MEIOB: variants seen among roughly 807,000 people sequenced by gnomAD.
The protein encoded by MEIOB is meiosis-specific with OB domain-containing protein.
MEIOB carries 50 observed loss-of-function variants against 53.1 expected under a neutral mutation model. That is an observed-to-expected ratio of 0.94 (90% CI 0.75 to 1.19). The LOEUF is 1.19. MEIOB is among the 50% of genes most tolerant of loss of function. MEIOB has a pLI of 0.00. For synonymous variants in MEIOB, 192 were observed against 182.5 expected, an observed-to-expected ratio of 1.05 and a Z score of -0.42; for missense variants, 551 against 550.8, an observed-to-expected ratio of 1.00 and a Z score of 0.00.
rs1390408270 is a variant in MEIOB at position 1,862,002 on chromosome 16, A to T, written c.242T>A (p.Phe81Tyr). 1.3e-6 allele frequency: 2 copies of T among 1,551,132 alleles called. No homozygotes were observed. Among genetic ancestry groups the T allele is most frequent in the Non-Finnish European group, 8.7e-7 (1 of 1,146,738 alleles). Residue 81 changes from phenylalanine to tyrosine, a missense_variant, in exon 4 of 14, where the codon TTT (phenylalanine) becomes TAT (tyrosine). Phe to Tyr is a conservative substitution (Grantham distance 22). Coordinates refer to ENST00000325962, the MANE Select transcript of MEIOB (RefSeq NM_001163560.3). ...CAACTTACCACAGTCACCAACCCTA[A>T]AGCTGTCAGAAAGAGACTTGATGTA... ...EDYIKSLSDSFRVGDCVIIEN... is the reference protein window; with the variant it reads ...EDYIKSLSDSYRVGDCVIIEN...
chr16:1,847,239 A>G (rs1899049351), intron 9 of MEIOB, among the ~76,000 whole-genome samples: 1 of 151,378 alleles, frequency 6.6e-6, no homozygotes, highest in Non-Finnish European at 1.5e-5. Context: ...AGGCAGGTGG[A>G]TCACCTGAGG....
chr16:1,846,192 G>C (rs891064913), intron 9 of MEIOB, among the ~76,000 whole-genome samples: 15 of 152,176 alleles, frequency 9.9e-5, no homozygotes, highest in African/African-American at 3.6e-4. Context: ...TATTAACTTG[G>C]AGAGATATGC....
Position 1,839,309 on chromosome 16 carries a change from G to A in MEIOB, c.1164C>T (p.Thr388=), listed in dbSNP as rs201609657. ...VLIDLTDHTG[T]LHSCSLTGSV... is the part of the protein sequence containing the mutation. ...TTCCTGTGAGACTACAGGAATGAAG[G>A]GTGCCTGTGTGATCAGTCAGATCAA... is the stretch of plus-strand genomic sequence containing the variant. The change falls in exon 12 of 14, where the codon ACC becomes ACT. Residue 388 remains threonine, a synonymous_variant. Transcript: ENST00000325962. 1.1e-5 allele frequency: 18 copies of A among 1,614,072 alleles called. No homozygotes were observed. Among genetic ancestry groups the A allele is most frequent in the Non-Finnish European group, 1.1e-5 (13 of 1,180,008 alleles).
chr16:1,838,036 G>T, intron 12 of MEIOB, 166 bp from the exon 13 acceptor site: 1 of 1,325,174 alleles, frequency 7.5e-7, no homozygotes, highest in South Asian at 1.6e-5. Context: ...TCACTCTGTC[G>T]CCCAAGCTGG....
At chr16:1,861,295 A>G (rs1395368129) in intron 4 of MEIOB, among the ~76,000 whole-genome samples, 5 of 152,204 alleles carry the variant, frequency 3.3e-5, no homozygotes, top group African/African-American at 1.2e-4. Context: ...TTAAAATCCC[A>G]TTAACAATTT....
chr16:1,844,852 G>A lies in MEIOB; in HGVS notation c.880+10C>T, dbSNP rs555327933. On this transcript the variant is annotated intron_variant, in intron 10 of 13. Transcript: ENST00000325962. ...TAAAAAAATCCAAATATATTTAAAC[G>A]GTCACTTACAATTTATGGATTCTTT... 30 of 1,426,126 alleles carry A rather than the reference G, an allele frequency of 2.1e-5. No homozygotes were observed. The highest frequency in any genetic ancestry group is 7.0e-5 in the East Asian group (3 of 43,120). 88.3% of individuals were successfully genotyped at this position (1,426,126 alleles called of 1,614,324 possible).
chr16:1,866,747 T>G (rs1324784327), intron 2 of MEIOB, among the ~76,000 whole-genome samples: 1 of 92,972 alleles, frequency 1.1e-5, no homozygotes, highest in Non-Finnish European at 2.4e-5. Flanking sequence ...AAAAAAATAA[T>G]AAAAAATAAA....
At chr16:1,867,514 T>C (rs1173321215) in intron 2 of MEIOB, among the ~76,000 whole-genome samples, 2 of 128,966 alleles carry the variant, frequency 1.6e-5, no homozygotes, top group South Asian at 2.6e-4. Flanking sequence ...TTGCTCTTGT[T>C]GCCCAGGCTG....
At chr16:1,865,589 A>G (rs998358093) in intron 3 of MEIOB, among the ~76,000 whole-genome samples, 189 bp downstream of exon 3, 1 of 152,136 alleles carries the variant, frequency 6.6e-6, no homozygotes, top group Non-Finnish European at 1.5e-5. Context: ...ATATAGAGAG[A>G]GAGAGAGAAT....
chr16:1,862,221 T>C, intron 3 of MEIOB, 105 bp from the exon 4 acceptor site: 1 of 846,068 alleles, frequency 1.2e-6, no homozygotes, highest in Admixed American at 2.9e-5. Flanking sequence ...TATAAACAAA[T>C]GATTATTTGT....
chr16:1,846,514 A>G (rs1471043367), intron 9 of MEIOB, among the ~76,000 whole-genome samples: 1 of 152,210 alleles, frequency 6.6e-6, no homozygotes, highest in Non-Finnish European at 1.5e-5. Flanking sequence ...TAAAACTGAT[A>G]TAACTATTTA....
intron 9 of MEIOB, among the ~76,000 whole-genome samples, chr16:1,851,899 C>T (rs1415775731): frequency 5.9e-5 from 9 of 152,162 alleles, no homozygotes; most frequent in African/African-American, 2.2e-4. Context: ...TTTAGCAGTA[C>T]TGGCTTGACG....
Position 1,844,931 on chromosome 16 carries a change from T to C in MEIOB, c.811A>G (p.Ile271Val), listed in dbSNP as rs1461354367. The stretch of plus-strand genomic sequence containing the variant: ...ACATTCGTTTCTTTATTTTCTCGTA[T>C]AAAATTCAGCAGAATGTTAGCTTCT... ...IPEANILLNF[I>V]RENKETNVLD... Residue 271 changes from isoleucine to valine, a missense_variant, in exon 10 of 14, where the codon ATA (isoleucine) becomes GTA (valine). Transcript: ENST00000325962. 1 of 1,555,340 alleles carries C rather than the reference T, an allele frequency of 6.4e-7. No individual in the cohort carries two copies. Among genetic ancestry groups the C allele is most frequent in the East Asian group, 2.3e-5 (1 of 44,054 alleles).
chr16:1,854,548 A>T (rs114087028), intron 6 of MEIOB, among the ~76,000 whole-genome samples: 1,934 of 152,330 alleles, frequency 0.013, 45 homozygotes, highest in African/African-American at 0.044. Flanking sequence ...GCACCTTTGT[A>T]TCCCCATGGC....
chr16:1,842,206 G>T (rs931693883), intron 10 of MEIOB, among the ~76,000 whole-genome samples: 1 of 152,010 alleles, frequency 6.6e-6, no homozygotes, highest in Admixed American at 6.6e-5. Context: ...TTCATCAAAA[G>T]ACACCATTAA....
chr16:1,839,517 C>T lies in MEIOB; in HGVS notation c.1035-79G>A, dbSNP rs549412571. On this transcript the variant is annotated intron_variant, in intron 11 of 13. Transcript: ENST00000325962. Reference sequence around the variant, plus strand: ...ATCTGTAGCAGAAAAAGAATTGTCACTAAAAACTCTACGACAGTGTGTGGA... The same window carrying T: ...ATCTGTAGCAGAAAAAGAATTGTCATTAAAAACTCTACGACAGTGTGTGGA... The T allele has an allele frequency of 1.1e-4, 144 of 1,307,016 alleles. 3 individuals carry two copies. In the South Asian group the frequency reaches 1.9e-3, roughly 17 times the overall value. 81.0% of individuals were successfully genotyped at this position (1,307,016 alleles called of 1,614,324 possible).
chr16:1,849,870 A>G (rs74497451), intron 9 of MEIOB, among the ~76,000 whole-genome samples: 2 of 152,330 alleles, frequency 1.3e-5, no homozygotes, highest in South Asian at 4.1e-4. Flanking sequence ...AAAAAAAATG[A>G]TAAGTATGTG....
At chr16:1,853,446 A>G (rs1899221572) in intron 7 of MEIOB, among the ~76,000 whole-genome samples, 175 bp from the exon 8 acceptor site, 1 of 152,096 alleles carries the variant, frequency 6.6e-6, no homozygotes, top group Non-Finnish European at 1.5e-5. Context: ...GAATTTAACA[A>G]CTCCATGAGA....
Position 1,854,115 on chromosome 16 carries a change from G to A in MEIOB, c.614C>T (p.Ser205Phe). Residue 205 changes from serine (S) to phenylalanine (F), a missense_variant, in exon 7 of 14, where the codon TCT (serine) becomes TTT (phenylalanine). Ser to Phe is a radical substitution (Grantham distance 155). Transcript: ENST00000325962. ...CGGTGTTTACCATGTCATCGCAAAA[G>A]ACGACTCTGTTTCATCATAGAGTCT... is the stretch of plus-strand genomic sequence containing the variant. ...EVRLYDETES[S>F]FAMTCWDNES... 1.4e-5 allele frequency: 21 copies of A among 1,548,352 alleles called. No individual in the cohort carries two copies. Among genetic ancestry groups the A allele is most frequent in the Non-Finnish European group, 1.8e-5 (21 of 1,144,258 alleles).
Sources: allele counts gnomAD v4.1 joint callset (sites outside exome capture counted in the v4.1 genomes callset), GRCh38; gene constraint gnomAD v4.1.1; transcripts MANE v1.5; gene names NCBI Gene and HGNC (gene_info 2026-07-23, HGNC 2026-07-21).